Variants in CHSY3 observed in about 807,000 individuals in gnomAD.
CHSY3 encodes the protein N-acetylgalactosaminyl-proteoglycan 3-beta-glucuronosyltransferase 3.
CHSY3 carries 35 observed loss-of-function variants against 67.2 expected under a neutral mutation model. That is an observed-to-expected ratio of 0.52 (90% CI 0.40 to 0.69). The LOEUF is 0.69. Ranked by LOEUF, CHSY3 falls within the 30% of genes least tolerant of loss-of-function variation. The pLI, the probability that CHSY3 is intolerant of heterozygous loss-of-function variation, is 0.00. For missense variants in CHSY3, 1,069 were observed against 1,138.5 expected, an observed-to-expected ratio of 0.94 and a Z score of 0.88; for synonymous variants, 474 against 434.7, an observed-to-expected ratio of 1.09 and a Z score of -1.12.
chr5:130,036,447 AT>A (rs1764865440), intron 2 of CHSY3, among the ~76,000 whole-genome samples: 1 of 152,188 alleles, frequency 6.6e-6, no homozygotes, highest in African/African-American at 2.4e-5. Context: ...ACTAATTTCA[AT>A]GACATTGGGC....
chr5:129,914,170 C>A (rs2431191), intron 2 of CHSY3, among the ~76,000 whole-genome samples: 1 of 152,056 alleles, frequency 6.6e-6, no homozygotes, highest in African/African-American at 2.4e-5. Flanking sequence ...GAGTGCAATG[C>A]TGCAATCTTG....
chr5:130,003,183 G>A (rs1028293062), intron 2 of CHSY3, among the ~76,000 whole-genome samples: 3 of 152,118 alleles, frequency 2.0e-5, no homozygotes, highest in Non-Finnish European at 2.9e-5. Context: ...CATGATAGCC[G>A]AGTATCCATG....
intron 2 of CHSY3, among the ~76,000 whole-genome samples, chr5:130,078,248 C>T (rs902913950): frequency 3.9e-5 from 6 of 152,008 alleles, no homozygotes; most frequent in Non-Finnish European, 2.9e-5. Flanking sequence ...AATGCCTCTC[C>T]GCCAGCCTAC....
chr5:130,062,266 G>A (rs1282637447), intron 2 of CHSY3, among the ~76,000 whole-genome samples: 2 of 151,504 alleles, frequency 1.3e-5, no homozygotes, highest in Non-Finnish European at 2.9e-5. Context: ...TGGAGTTGGA[G>A]GCCATTATCC....
At chr5:130,055,323 C>A (rs1188576069) in intron 2 of CHSY3, among the ~76,000 whole-genome samples, 1 of 148,980 alleles carries the variant, frequency 6.7e-6, no homozygotes, top group Non-Finnish European at 1.5e-5. Context: ...ATATGGAGGT[C>A]TACAAAAGTG....
intron 2 of CHSY3, among the ~76,000 whole-genome samples, chr5:130,013,753 G>A (rs1166952781): frequency 6.6e-6 from 1 of 152,172 alleles, no homozygotes; most frequent in African/African-American, 2.4e-5. Context: ...GGAGGGTTGC[G>A]ATTAAGTCTC....
chr5:129,940,479 T>G (rs1761663131), intron 2 of CHSY3, among the ~76,000 whole-genome samples: 1 of 152,104 alleles, frequency 6.6e-6, no homozygotes, highest in Admixed American at 6.6e-5. Context: ...GATGCTATGT[T>G]AACCTTTAAA....
chr5:130,185,554 A>G lies in CHSY3; in HGVS notation c.2412A>G (p.Gly804=). 7 of 1,614,164 alleles carry G rather than the reference A, an allele frequency of 4.3e-6. No individual in the cohort carries two copies. Among genetic ancestry groups the G allele is most frequent in the Non-Finnish European group, 5.9e-6 (7 of 1,179,990 alleles). ...GGFDTSIQGW[G]LEDVDLYNKV... Reference sequence around the variant, plus strand: ...TTGATACCTCAATACAAGGCTGGGGACTAGAAGATGTAGATCTCTACAATA... The same window carrying G: ...TTGATACCTCAATACAAGGCTGGGGGCTAGAAGATGTAGATCTCTACAATA... Residue 804 remains glycine, a synonymous_variant, in exon 3 of 3, where the codon GGA becomes GGG. Coordinates refer to ENST00000305031, the MANE Select transcript of CHSY3 (RefSeq NM_175856.5).
intron 2 of CHSY3, among the ~76,000 whole-genome samples, chr5:130,135,184 A>G (rs1005525279): frequency 6.6e-6 from 1 of 151,620 alleles, no homozygotes; most frequent in Non-Finnish European, 1.5e-5. Context: ...ATATGTGTGT[A>G]TACATACATA....
rs573533812 is a variant in CHSY3 at position 130,175,964 on chromosome 5, C to A, written c.1087-8265C>A. Among the ~76,000 whole-genome samples the A allele has an allele frequency of 2.0e-3, 306 of 152,226 alleles. 2 individuals carry two copies. Among genetic ancestry groups the A allele is most frequent in the African/African-American group, 6.8e-3 (283 of 41,540 alleles). ...CGGGCAAAGACTTCATAATTAAACACCAAAAGCAATGGCAACAAAAGCCAA... is the reference window on the plus strand; with the variant it reads ...CGGGCAAAGACTTCATAATTAAACAACAAAAGCAATGGCAACAAAAGCCAA... On this transcript the variant is annotated intron_variant, in intron 2 of 2. Transcript: ENST00000305031.
At position 129,905,337 on chromosome 5, in the gene CHSY3, C is replaced by G; in HGVS notation, c.508C>G (p.Arg170Gly). The G allele has an allele frequency of 6.5e-7, 1 of 1,547,206 alleles. No individual in the cohort carries two copies. The highest frequency in any genetic ancestry group is 2.4e-5 in the East Asian group (1 of 42,280). The stretch of plus-strand genomic sequence containing the variant: ...CGCTGCCGCCCCGAGCGCCCGACCC[C>G]GGGACTTCCTGTACGTGGGGGTGAT... Reference protein sequence around the residue: ...GGAAAPSARPRDFLYVGVMTA... With the variant: ...GGAAAPSARPGDFLYVGVMTA... Residue 170 changes from arginine to glycine, a missense_variant, in exon 1 of 3, where the codon CGG becomes GGG. Coordinates refer to ENST00000305031, the MANE Select transcript of CHSY3 (RefSeq NM_175856.5).
At chr5:130,179,871 T>G (rs1770194420) in intron 2 of CHSY3, among the ~76,000 whole-genome samples, 1 of 152,232 alleles carries the variant, frequency 6.6e-6, no homozygotes, top group South Asian at 2.1e-4. Flanking sequence ...CTATAATTCT[T>G]GGCTTGCTGA....
chr5:130,065,385 C>T (rs753472889), intron 2 of CHSY3, among the ~76,000 whole-genome samples: 6 of 152,084 alleles, frequency 3.9e-5, no homozygotes, highest in South Asian at 2.1e-4. Context: ...AAACAAAAAA[C>T]GACTCATGTA....
chr5:129,958,140 A>T (rs373787608), intron 2 of CHSY3, among the ~76,000 whole-genome samples: 10 of 152,252 alleles, frequency 6.6e-5, no homozygotes, highest in African/African-American at 1.7e-4. Context: ...TATGAATGTG[A>T]TACTCTTCTT....
chr5:129,975,238 A>G (rs1333765474), intron 2 of CHSY3, among the ~76,000 whole-genome samples: 2 of 152,200 alleles, frequency 1.3e-5, no homozygotes, highest in African/African-American at 2.4e-5. Context: ...AAAAATAAAT[A>G]AATAAATACA....
chr5:130,000,965 ACTGCAACCTCAGC>A (rs1468068963), intron 2 of CHSY3, among the ~76,000 whole-genome samples: 1 of 147,472 alleles, frequency 6.8e-6, no homozygotes. Context: ...ATCTCCACTC[ACTGCAACCTCAGC>A]CTGCAGGGTT....
In CHSY3 at chr5:130,022,469, T is replaced by C. The variant is rs192288544; in HGVS notation, c.1086+114109T>C. Among the ~76,000 whole-genome samples, 3 of 152,032 alleles carry C rather than the reference T, an allele frequency of 2.0e-5. No homozygotes were observed. The South Asian group carries it at 6.2e-4, about 32-fold the overall frequency. On this transcript the variant is annotated intron_variant, in intron 2 of 2. Coordinates refer to ENST00000305031, the MANE Select transcript of CHSY3 (RefSeq NM_175856.5). ...AATAGTAAATAGTAAATTATATATA[T>C]GGTTGCATTTGATCTTAGCAAAGTT...
In CHSY3 at chr5:129,934,982, C is replaced by A. The variant is rs138004209; in HGVS notation, c.1086+26622C>A. On this transcript the variant is annotated intron_variant, in intron 2 of 2. Transcript: ENST00000305031. Reference sequence around the variant, plus strand: ...CACATTAAATGAATCAAAACGAGAGCTAGGTTATCAAAGAAAGACAAACTA... The same window carrying A: ...CACATTAAATGAATCAAAACGAGAGATAGGTTATCAAAGAAAGACAAACTA... 3.4e-3 allele frequency among the ~76,000 whole-genome samples: 518 copies of A among 152,176 alleles called. 5 individuals carry two copies. The highest frequency in any genetic ancestry group is 0.012 in the African/African-American group (489 of 41,520).
At chr5:130,087,211 T>C (rs13155079) in intron 2 of CHSY3, among the ~76,000 whole-genome samples, 69,861 of 150,406 alleles carry the variant, frequency 0.46, 16,668 homozygotes, top group African/African-American at 0.57. Flanking sequence ...ATTGATGGGA[T>C]GTATCTCAAA....
Sources: gnomAD v4.1 joint callset for allele counts (sites outside exome capture counted in the v4.1 genomes callset) on GRCh38, gnomAD v4.1.1 for gene constraint, MANE v1.5 for transcripts, NCBI Gene and HGNC (gene_info 2026-07-23, HGNC 2026-07-21) for gene names.